The following ZNF420 variants were observed in gnomAD, a reference collection of about 807,000 sequenced individuals.
The protein encoded by ZNF420 is ATM and p53-associated KZNF protein.
In ZNF420, 31 loss-of-function variants were observed where a neutral mutation model predicts 44.7. The observed-to-expected ratio is 0.69, with a 90% confidence interval of 0.52 to 0.94. The LOEUF (loss-of-function observed/expected upper bound fraction) is 0.94. Ranked by LOEUF, ZNF420 falls within the 40% of genes least tolerant of loss-of-function variation. The pLI is 0.00. For missense variants in ZNF420, 681 were observed against 827.9 expected, an observed-to-expected ratio of 0.82 and a Z score of 2.18; for synonymous variants, 245 against 267.4, an observed-to-expected ratio of 0.92 and a Z score of 0.82.
intron 1 of ZNF420, among the ~76,000 whole-genome samples, chr19:37,019,967 C>T (rs1465148565): frequency 1.3e-5 from 2 of 152,080 alleles, no homozygotes; most frequent in African/African-American, 4.8e-5. Context: ...CCTGTAATCT[C>T]AGCACTTTGG....
chr19:37,087,292 AAT>A lies in ZNF420; in HGVS notation c.-80-1745_-80-1744del, dbSNP rs1491041359. On this transcript the variant is annotated intron_variant, in intron 2 of 4. Transcript: ENST00000337995. ...AGTGAGACCCTGTCTCAAAAAAAAA[AAT>A]AAATAAATAAATAAATAAATAAATA... is the stretch of plus-strand genomic sequence containing the variant. 4.4e-3 allele frequency among the ~76,000 whole-genome samples: 326 copies of A among 73,466 alleles called. 1 individual carries two copies. The highest frequency in any genetic ancestry group is 0.015 in the African/African-American group (250 of 17,040). The allele number at this position is 73,466 out of a possible 152,430, so 48.2% of individuals were successfully genotyped here. A position where few individuals can be genotyped will look rare whatever the true frequency, so the allele number is the denominator to read the frequency against.
chr19:37,029,798 C>T (rs1313073436), intron 1 of ZNF420, among the ~76,000 whole-genome samples: 1 of 151,962 alleles, frequency 6.6e-6, no homozygotes, highest in East Asian at 1.9e-4. Context: ...ATGAGCCACG[C>T]GCCTGGCCAA....
chr19:37,056,684 G>A (rs983361759), intron 1 of ZNF420, among the ~76,000 whole-genome samples: 6 of 152,308 alleles, frequency 3.9e-5, no homozygotes, highest in African/African-American at 1.4e-4. Context: ...CACCTCAACA[G>A]ATAAGGTGAA....
rs181333851 is a variant in ZNF420, at chr19:37,044,347, T to C, written c.-124-35998T>C. 7.1e-4 allele frequency among the ~76,000 whole-genome samples: 108 copies of C among 152,186 alleles called. 2 individuals carry two copies. Among genetic ancestry groups the C allele is most frequent in the Admixed American group, 4.2e-3 (64 of 15,280 alleles). On this transcript the variant is annotated intron_variant, in intron 1 of 4. Transcript: ENST00000587029. Reference sequence around the variant, plus strand: ...GCCTGGGCAACATAGTGAGACATTATCTTTGTAAAAACAAACAAAACCGAG... The same window carrying C: ...GCCTGGGCAACATAGTGAGACATTACCTTTGTAAAAACAAACAAAACCGAG...
At chr19:37,098,065 G>T (rs1015922774) in intron 4 of ZNF420, among the ~76,000 whole-genome samples, 1 of 151,948 alleles carries the variant, frequency 6.6e-6, no homozygotes. Flanking sequence ...CCACCTCCCT[G>T]AGCCCAGGTG....
intron 4 of ZNF420, among the ~76,000 whole-genome samples, chr19:37,101,917 G>A (rs769226847): frequency 6.6e-6 from 1 of 152,156 alleles, no homozygotes; most frequent in Non-Finnish European, 1.5e-5. Flanking sequence ...ACAGAGGCTG[G>A]CAAGCCTATC....
intron 4 of ZNF420, among the ~76,000 whole-genome samples, chr19:37,124,834 A>G (rs1971257348): frequency 6.6e-6 from 1 of 150,418 alleles, no homozygotes; most frequent in South Asian, 2.1e-4. Context: ...CACCCAGCTG[A>G]TTTTGTATTT....
intron 1 of ZNF420, among the ~76,000 whole-genome samples, chr19:37,018,170 C>T (rs1457467767): frequency 6.6e-6 from 1 of 152,072 alleles, no homozygotes; most frequent in Non-Finnish European, 1.5e-5. Flanking sequence ...AACTGAAAGG[C>T]ATCCCCATGT....
chr19:37,124,985 C>T (rs1265457172), intron 4 of ZNF420, among the ~76,000 whole-genome samples: 5 of 152,016 alleles, frequency 3.3e-5, no homozygotes, highest in East Asian at 3.9e-4. Flanking sequence ...TACAGGCACC[C>T]GCCACCATGC....
At chr19:37,102,021 G>A (rs1164182023) in intron 4 of ZNF420, among the ~76,000 whole-genome samples, 3 of 152,154 alleles carry the variant, frequency 2.0e-5, no homozygotes, top group African/African-American at 7.2e-5. Context: ...GCTTAGACTG[G>A]GCCCTCTCGG....
chr19:37,036,638 T>G (rs1308546309), intron 1 of ZNF420, among the ~76,000 whole-genome samples: 1 of 152,106 alleles, frequency 6.6e-6, no homozygotes, highest in Non-Finnish European at 1.5e-5. Context: ...TAACCCTTGG[T>G]TTTTAAAGAT....
At chr19:37,026,104 G>A (rs1025026116) in intron 1 of ZNF420, among the ~76,000 whole-genome samples, 13 of 151,906 alleles carry the variant, frequency 8.6e-5, no homozygotes, top group Non-Finnish European at 1.9e-4. Flanking sequence ...ACCTGAGGTC[G>A]GGAGTTCAAG....
At chr19:37,012,760 ATGTC>A (rs1292095913) in intron 1 of ZNF420, among the ~76,000 whole-genome samples, 2 of 101,938 alleles carry the variant, frequency 2.0e-5, no homozygotes, top group Admixed American at 1.0e-4. Flanking sequence ...CCACTGCTAT[ATGTC>A]TCTGTGTGTG....
At chr19:37,041,649 C>T (rs996589343) in intron 1 of ZNF420, among the ~76,000 whole-genome samples, 2 of 152,092 alleles carry the variant, frequency 1.3e-5, no homozygotes, top group Non-Finnish European at 2.9e-5. Context: ...TGAAAATAAG[C>T]GCTTATTCTA....
At chr19:37,053,633 CCT>C (rs1967684000) in intron 1 of ZNF420, among the ~76,000 whole-genome samples, 1 of 152,292 alleles carries the variant, frequency 6.6e-6, no homozygotes, top group East Asian at 1.9e-4. Context: ...CACTCCAGAC[CCT>C]GTTTGCCTGG....
At chr19:37,045,340 G>A (rs1464586597) in intron 1 of ZNF420, among the ~76,000 whole-genome samples, 1 of 152,156 alleles carries the variant, frequency 6.6e-6, no homozygotes, top group South Asian at 2.1e-4. Flanking sequence ...AAGTCAACAG[G>A]TGTTATTAAA....
chr19:37,084,548 A>G (rs1414497590), intron 2 of ZNF420, among the ~76,000 whole-genome samples: 1 of 152,194 alleles, frequency 6.6e-6, no homozygotes, highest in Admixed American at 6.5e-5. Flanking sequence ...CTCAAAATGT[A>G]GAACAGACTG....
intron 1 of ZNF420, among the ~76,000 whole-genome samples, chr19:37,047,684 G>A (rs938871016): frequency 2.0e-5 from 3 of 152,148 alleles, no homozygotes; most frequent in Non-Finnish European, 2.9e-5. Context: ...TCTGTTGCAA[G>A]TGTATTCTTA....
chr19:37,111,236 A>AT (rs1474749853), intron 4 of ZNF420, among the ~76,000 whole-genome samples: 1 of 152,100 alleles, frequency 6.6e-6, no homozygotes, highest in African/African-American at 2.4e-5. Context: ...CACTGACTGA[A>AT]TTTTTTCTTC....
Sources: gnomAD v4.1 joint callset for allele counts (sites outside exome capture counted in the v4.1 genomes callset) on GRCh38, gnomAD v4.1.1 for gene constraint, MANE v1.5 for transcripts, NCBI Gene and HGNC (gene_info 2026-07-23, HGNC 2026-07-21) for gene names.